The following RBPJ variants were observed in gnomAD, a reference collection of about 807,000 sequenced individuals.
RBPJ encodes the protein recombination signal binding protein for immunoglobulin kappa J region, also known as recombining binding protein suppressor of hairless.
In RBPJ, 9 loss-of-function variants were observed where a neutral mutation model predicts 67.8. The observed-to-expected ratio is 0.13, with a 90% CI of 0.08 to 0.23. The LOEUF (loss-of-function observed/expected upper bound fraction) is 0.23. RBPJ is among the 10% of genes least tolerant of loss of function. The pLI, the probability that RBPJ is intolerant of heterozygous loss-of-function variation, is 1.00. For synonymous variants in RBPJ, 198 were observed against 203.3 expected (o/e 0.97, Z 0.22); for missense variants, 305 against 595.6 (o/e 0.51, Z 5.08).
At chr4:26,403,061 C>G (rs1245169582) in intron 2 of RBPJ, among the ~76,000 whole-genome samples, 1 of 152,134 alleles carries the variant, frequency 6.6e-6, no homozygotes, top group African/African-American at 2.4e-5. Flanking sequence ...TGAATCCTTT[C>G]TCTAGAAATA....
intron 1 of RBPJ, among the ~76,000 whole-genome samples, chr4:26,214,978 A>AGGAAGGAC (rs1560214230): frequency 1.2e-3 from 28 of 23,916 alleles, no homozygotes; most frequent in East Asian, 5.9e-3. Flanking sequence ...GAGGGAGGGA[A>AGGAAGGAC]GGAAGGAGGG....
Position 26,424,486 on chromosome 4 carries a change from A to G in RBPJ, c.634+7A>G. On this transcript the variant is annotated splice_region_variant and intron_variant, in intron 6 of 10. Coordinates refer to ENST00000355476, the MANE Select transcript of RBPJ (RefSeq NM_015874.6). This position sits in a 1 kb window ranked among gnomAD's most constrained non-coding sequence, Gnocchi z 5.3. ...GCCTTTTTTATTCATCTCTGTGAGT[A>G]TAAAAGTGTGCATTTAATGTTTTTA... is the stretch of plus-strand genomic sequence containing the variant. 6.2e-7 allele frequency: 1 copy of G among 1,613,074 alleles called. No homozygotes were observed. The highest frequency in any genetic ancestry group is 8.5e-7 in the Non-Finnish European group (1 of 1,179,654).
At chr4:26,162,006 C>T (rs1244288742), upstream of RBPJ, among the ~76,000 whole-genome samples, 2 of 152,230 alleles carry the variant, frequency 1.3e-5, no homozygotes, top group Non-Finnish European at 2.9e-5. Context: ...GTTAGTGTCA[C>T]CTTTTCTGGG....
chr4:26,344,982 C>G (rs1169357813), intron 1 of RBPJ, among the ~76,000 whole-genome samples: 1 of 152,158 alleles, frequency 6.6e-6, no homozygotes, highest in Non-Finnish European at 1.5e-5. Context: ...TATTTTTAAA[C>G]ATTTAAAAAA....
chr4:26,344,857 G>T (rs1725967126), intron 1 of RBPJ, among the ~76,000 whole-genome samples: 1 of 152,112 alleles, frequency 6.6e-6, no homozygotes, highest in Non-Finnish European at 1.5e-5. Flanking sequence ...CATCATAATA[G>T]ATTCACATTC....
At chr4:26,387,181 T>C (rs929114440) in intron 2 of RBPJ, among the ~76,000 whole-genome samples, 4 of 152,178 alleles carry the variant, frequency 2.6e-5, no homozygotes, top group African/African-American at 7.2e-5. Flanking sequence ...ATATTTCACA[T>C]TGATGACCAT....
At chr4:26,307,451 C>T (rs939904823) in intron 1 of RBPJ, among the ~76,000 whole-genome samples, 50 of 152,056 alleles carry the variant, frequency 3.3e-4, no homozygotes, top group African/African-American at 1.1e-3. Context: ...TTGCTTATTT[C>T]GGAAAGTTGG....
At chr4:26,180,332 TAA>T (rs11344714) in intron 1 of RBPJ, among the ~76,000 whole-genome samples, 1,890 of 146,532 alleles carry the variant, frequency 0.013, 43 homozygotes, top group African/African-American at 0.04. Context: ...AAATAAAGGT[TAA>T]AAAAAAAAAA....
chr4:26,310,917 G>A (rs1246619631), intron 1 of RBPJ, among the ~76,000 whole-genome samples: 3 of 152,122 alleles, frequency 2.0e-5, no homozygotes, highest in Non-Finnish European at 4.4e-5. Context: ...TGATCCGCCC[G>A]CCTCAGCGTC....
intron 1 of RBPJ, among the ~76,000 whole-genome samples, chr4:26,170,352 G>A (rs1445057576): frequency 1.3e-4 from 20 of 152,116 alleles, no homozygotes; most frequent in Admixed American, 1.2e-3. Flanking sequence ...ACCAGCCTGC[G>A]CAACATGGCA....
upstream of RBPJ, among the ~76,000 whole-genome samples, chr4:26,320,330 A>T (rs1321149982): frequency 3.9e-5 from 6 of 152,174 alleles, no homozygotes; most frequent in East Asian, 1.2e-3. Context: ...CTAAGGCGAG[A>T]GAGCTCAACT....
At chr4:26,195,228 G>T (rs1289885580) in intron 1 of RBPJ, among the ~76,000 whole-genome samples, 1 of 152,084 alleles carries the variant, frequency 6.6e-6, no homozygotes, top group South Asian at 2.1e-4. Context: ...AATTACCTGG[G>T]CGTGGTGGCA....
At chr4:26,322,445 A>G (rs887359376) in intron 1 of RBPJ, 21 of 152,124 alleles carry the variant, frequency 1.4e-4, no homozygotes, top group African/African-American at 5.1e-4. Context: ...TGGGAATTTT[A>G]TATAAATGTT....
the RBPJ span, among the ~76,000 whole-genome samples, chr4:26,150,106 T>C: frequency 1.3e-5 from 2 of 152,240 alleles, no homozygotes; most frequent in African/African-American, 4.8e-5. Flanking sequence ...GATAAATTTC[T>C]GAATTCAGTA....
At chr4:26,311,068 ATATTAC>A (rs1321147168) in intron 1 of RBPJ, among the ~76,000 whole-genome samples, 11 of 152,356 alleles carry the variant, frequency 7.2e-5, no homozygotes, top group African/African-American at 2.2e-4. Context: ...ATAAAAACTA[ATATTAC>A]TATAACAATT....
At chr4:26,363,672 C>T (rs1728313357) in intron 1 of RBPJ, among the ~76,000 whole-genome samples, 1 of 152,176 alleles carries the variant, frequency 6.6e-6, no homozygotes. Flanking sequence ...CTCCTGACCT[C>T]AGGTGATCTG....
rs767852193 is a variant in RBPJ at position 26,430,520 on chromosome 4, C to T, written c.1146C>T (p.Tyr382=). The T allele has an allele frequency of 6.3e-7, 1 of 1,597,944 alleles. No homozygotes were observed. The highest frequency in any genetic ancestry group is 1.7e-4 in the Middle Eastern group (1 of 5,964). The change falls in exon 10 of 11, where the codon TAC becomes TAT. Residue 382 remains tyrosine (Y), a splice_region_variant and synonymous_variant. Transcript: ENST00000355476. The surrounding 1 kb of genome is among the most constrained non-coding windows in gnomAD (Gnocchi z 4.1). ...GGGATGTAGAAGCTGAAACTATGTA[C>T]AGGTACTTGATAAAACTTTTTGCAT... ...WFGDVEAETM[Y]RCGESMLCVV...
intron 1 of RBPJ, among the ~76,000 whole-genome samples, chr4:26,335,682 C>A (rs961089984): frequency 1.4e-5 from 2 of 143,890 alleles, no homozygotes; most frequent in Admixed American, 1.4e-4. Flanking sequence ...TGCAGTGCTA[C>A]GATCTCGGCT....
At chr4:26,403,971 A>C (rs1478568111) in intron 2 of RBPJ, among the ~76,000 whole-genome samples, 1 of 152,166 alleles carries the variant, frequency 6.6e-6, no homozygotes, top group Non-Finnish European at 1.5e-5. Context: ...ACTACTTTCC[A>C]CAACAGTTGA....
Sources: gnomAD v4.1 joint callset for allele counts (sites outside exome capture counted in the v4.1 genomes callset) on GRCh38, gnomAD v4.1.1 for gene constraint, Gnocchi (gnomAD v3.1) non-coding constraint, MANE v1.5 for transcripts, NCBI Gene and HGNC (gene_info 2026-07-23, HGNC 2026-07-21) for gene names.